DPP10: variants seen among roughly 807,000 people sequenced by gnomAD.
DPP10 encodes dipeptidyl peptidase like 10, also known as inactive dipeptidyl peptidase 10.
Under a neutral mutation model 120.9 loss-of-function variants are expected in DPP10, and 33 were observed. The observed-to-expected ratio is 0.27, with a 90% confidence interval of 0.21 to 0.37. The LOEUF (loss-of-function observed/expected upper bound fraction) is 0.37, where lower values mean the gene tolerates loss of function less well. Ranked by LOEUF, DPP10 falls within the 10% of genes least tolerant of loss-of-function variation. DPP10 has a pLI of 1.00. For synonymous variants in DPP10, 337 were observed against 326.1 expected, an observed-to-expected ratio of 1.03 and a Z score of -0.36; for missense variants, 816 against 942.8, an observed-to-expected ratio of 0.87 and a Z score of 1.76.
chr2:115,448,632 A>G (rs2072833744), intron 3 of DPP10, among the ~76,000 whole-genome samples: 1 of 152,194 alleles, frequency 6.6e-6, no homozygotes, highest in Non-Finnish European at 1.5e-5. Context: ...TGATCATTAA[A>G]AAGGATCCCA....
chr2:114,595,690 T>A (rs998308398), intron 1 of DPP10, among the ~76,000 whole-genome samples: 1 of 152,162 alleles, frequency 6.6e-6, no homozygotes. Context: ...CAGTCACAGA[T>A]GACATGGTTC....
intron 1 of DPP10, among the ~76,000 whole-genome samples, chr2:114,550,266 C>T (rs376837050): frequency 6.6e-6 from 1 of 152,184 alleles, no homozygotes; most frequent in African/African-American, 2.4e-5. Context: ...ACAAAGGGCC[C>T]TCTCCATGAT....
At chr2:115,044,396 G>C (rs1704904050) in intron 1 of DPP10, among the ~76,000 whole-genome samples, 1 of 151,776 alleles carries the variant, frequency 6.6e-6, no homozygotes, top group South Asian at 2.1e-4. Context: ...TAAGTTTTAG[G>C]GTACATGTGC....
At chr2:114,467,898 A>G (rs1573413816) in intron 1 of DPP10, among the ~76,000 whole-genome samples, 1 of 152,286 alleles carries the variant, frequency 6.6e-6, no homozygotes, top group East Asian at 1.9e-4. Context: ...GAAGTGCTGT[A>G]GTCCCAGCTA....
Position 114,876,252 on chromosome 2 carries a change from T to C in DPP10, c.61-432987T>C, listed in dbSNP as rs566398233. On this transcript the variant is annotated intron_variant, in intron 1 of 25. Transcript: ENST00000410059. ...AATTGACAAGAGATAGTGAAAACGA[T>C]ATTTATAATGGCATCACCAGCAGAG... Among the ~76,000 whole-genome samples the C allele has an allele frequency of 3.3e-5, 5 of 152,246 alleles. No homozygotes were observed. In the South Asian group the frequency reaches 6.2e-4, roughly 19 times the overall value.
At chr2:115,766,404 C>A (rs1309621284) in intron 12 of DPP10, among the ~76,000 whole-genome samples, 1 of 142,724 alleles carries the variant, frequency 7.0e-6, no homozygotes, top group African/African-American at 2.6e-5. Context: ...ATGGAAAAAA[C>A]CTCAATTAAT....
chr2:115,808,777 A>G (rs1686306713), intron 19 of DPP10, among the ~76,000 whole-genome samples: 1 of 152,218 alleles, frequency 6.6e-6, no homozygotes, highest in Admixed American at 6.5e-5. Context: ...ATAAAAATAG[A>G]TGAGTACAAG....
At chr2:114,530,554 C>T (rs996604097) in intron 1 of DPP10, among the ~76,000 whole-genome samples, 9 of 152,054 alleles carry the variant, frequency 5.9e-5, no homozygotes, top group South Asian at 2.1e-4. Context: ...CTCAGGTCAA[C>T]GATAGGTCTC....
chr2:115,790,671 T>C (rs1348753347), intron 17 of DPP10, among the ~76,000 whole-genome samples: 2 of 152,196 alleles, frequency 1.3e-5, no homozygotes, highest in African/African-American at 4.8e-5. Flanking sequence ...TATAACATGC[T>C]CATGCTTTTT....
At chr2:115,101,674 T>C (rs1221726192) in intron 1 of DPP10, among the ~76,000 whole-genome samples, 2 of 152,194 alleles carry the variant, frequency 1.3e-5, no homozygotes, top group African/African-American at 4.8e-5. Context: ...TCCAAAGTAG[T>C]GCTGCACTTT....
At chr2:115,038,181 A>G (rs1267334050) in intron 1 of DPP10, among the ~76,000 whole-genome samples, 1 of 152,156 alleles carries the variant, frequency 6.6e-6, no homozygotes, top group African/African-American at 2.4e-5. Context: ...CAAATACACC[A>G]CAAGTCAGAG....
intron 21 of DPP10, among the ~76,000 whole-genome samples, chr2:115,827,414 G>GTATATATATATATA (rs70941101): frequency 8.0e-5 from 6 of 75,452 alleles, no homozygotes; most frequent in Admixed American, 1.8e-4. Context: ...ATGTGTGTGT[G>GTATATATATATATA]TATATATATA....
At chr2:115,802,069 T>G (rs1429433013) in intron 19 of DPP10, among the ~76,000 whole-genome samples, 1 of 152,082 alleles carries the variant, frequency 6.6e-6, no homozygotes, top group Admixed American at 6.6e-5. Context: ...GTCCTGGACT[T>G]TTTTTGGTTG....
chr2:114,534,898 C>T (rs1397146701), intron 1 of DPP10, among the ~76,000 whole-genome samples: 1 of 152,062 alleles, frequency 6.6e-6, no homozygotes, highest in African/African-American at 2.4e-5. Context: ...TGGGATGCCC[C>T]CTTCTGGGGC....
intron 1 of DPP10, among the ~76,000 whole-genome samples, chr2:115,079,096 C>T (rs1708034889): frequency 6.6e-6 from 1 of 152,130 alleles, no homozygotes; most frequent in African/African-American, 2.4e-5. Context: ...ATAAGAAATC[C>T]TCGGCCGGGC....
At chr2:115,826,848 G>T (rs778847725) in intron 21 of DPP10, among the ~76,000 whole-genome samples, 1 of 151,758 alleles carries the variant, frequency 6.6e-6, no homozygotes, top group Non-Finnish European at 1.5e-5. Context: ...TTACATTTAC[G>T]TATTACGTAT....
intron 1 of DPP10, among the ~76,000 whole-genome samples, chr2:114,740,270 C>G (rs1677895654): frequency 6.7e-6 from 1 of 149,492 alleles, no homozygotes; most frequent in South Asian, 2.1e-4. Flanking sequence ...AAAAACCAAA[C>G]ACCGCATGTT....
chr2:115,498,436 G>A (rs552618019), intron 3 of DPP10, among the ~76,000 whole-genome samples: 1,669 of 151,998 alleles, frequency 0.011, 30 homozygotes, highest in African/African-American at 0.039. Context: ...TCATCATTTA[G>A]TACTTGTTTT....
At chr2:114,845,079 G>T (rs1306161293) in intron 1 of DPP10, among the ~76,000 whole-genome samples, 2 of 152,244 alleles carry the variant, frequency 1.3e-5, no homozygotes, top group East Asian at 1.9e-4. Flanking sequence ...TCCAACGCTA[G>T]CGCCCTTTCC....
Sources: gnomAD v4.1 joint callset for allele counts (sites outside exome capture counted in the v4.1 genomes callset) on GRCh38, gnomAD v4.1.1 for gene constraint, MANE v1.5 for transcripts, NCBI Gene and HGNC (gene_info 2026-07-23, HGNC 2026-07-21) for gene names.